MSI2: variants seen among roughly 807,000 people sequenced by gnomAD.
The protein encoded by MSI2 is musashi RNA binding protein 2, also known as RNA-binding protein Musashi homolog 2.
MSI2 carries 17 observed loss-of-function variants against 45.6 expected under a neutral mutation model. That is an observed-to-expected ratio of 0.37 (90% CI 0.26 to 0.56). MSI2 has a LOEUF of 0.56. Ranked by LOEUF, MSI2 falls within the 20% of genes least tolerant of loss-of-function variation. The pLI is 0.77. For synonymous variants in MSI2, 156 were observed against 158.2 expected, an observed-to-expected ratio of 0.99 and a Z score of 0.11; for missense variants, 293 against 444.2, an observed-to-expected ratio of 0.66 and a Z score of 3.06.
intron 7 of MSI2, among the ~76,000 whole-genome samples, chr17:57,549,796 C>T (rs992465044): frequency 3.3e-5 from 5 of 152,282 alleles, no homozygotes; most frequent in African/African-American, 1.2e-4. Flanking sequence ...AGGTGGGCTC[C>T]TGCATTTGTA....
chr17:57,661,384 G>A (rs1415414891), intron 11 of MSI2, among the ~76,000 whole-genome samples: 1 of 152,214 alleles, frequency 6.6e-6, no homozygotes, highest in African/African-American at 2.4e-5. Context: ...TGCTAGGCAG[G>A]GAATATGGGC....
chr17:57,491,315 A>G (rs1567855674), intron 6 of MSI2, among the ~76,000 whole-genome samples: 1 of 152,122 alleles, frequency 6.6e-6, no homozygotes, highest in Non-Finnish European at 1.5e-5. Context: ...GAGCGAAGGA[A>G]CTCTGAGATT....
chr17:57,625,012 A>G (rs1908667628), intron 9 of MSI2, among the ~76,000 whole-genome samples: 1 of 152,142 alleles, frequency 6.6e-6, no homozygotes, highest in Non-Finnish European at 1.5e-5. Flanking sequence ...CCGCTTCCTC[A>G]TAGATGGCCC....
intron 6 of MSI2, among the ~76,000 whole-genome samples, chr17:57,483,116 T>C (rs1271140249): frequency 6.6e-6 from 1 of 152,228 alleles, no homozygotes; most frequent in East Asian, 1.9e-4. Flanking sequence ...ATACTAATGA[T>C]AATAAGTATT....
chr17:57,422,750 T>A (rs1007003701), intron 6 of MSI2, among the ~76,000 whole-genome samples: 1 of 152,248 alleles, frequency 6.6e-6, no homozygotes, highest in Non-Finnish European at 1.5e-5. Context: ...ACAGCGTAAA[T>A]CACCATCATC....
At position 57,582,650 on chromosome 17, in the gene MSI2, A is replaced by T. The variant is rs80320311; in HGVS notation, c.455-14218A>T. Among the ~76,000 whole-genome samples the T allele has an allele frequency of 5.4e-3, 816 of 152,334 alleles. 7 individuals are homozygous for T. The highest frequency in any genetic ancestry group is 0.019 in the African/African-American group (781 of 41,574). ...GATTCACTGTGCTGGCTAAATCATG[A>T]TACTAATTTTTCAACCCCATCCTCC... On this transcript the variant is annotated intron_variant, in intron 7 of 13. Transcript: ENST00000284073.
At position 57,675,238 on chromosome 17, in the gene MSI2, G is replaced by A. The variant is rs1158860668; in HGVS notation, c.945+112G>A. 8.2e-6 allele frequency: 9 copies of A among 1,093,466 alleles called. No individual in the cohort carries two copies. In the Admixed American group the frequency reaches 1.6e-4, roughly 19 times the overall value. 67.7% of individuals were successfully genotyped at this position (1,093,466 alleles called of 1,614,324 possible). ...TCGGGGGCAGAGGAGAGGACAGAGG[G>A]TCCCCATCAACATCACACCAGCTCC... On this transcript the variant is annotated intron_variant, in intron 12 of 13. Coordinates refer to ENST00000284073, the MANE Select transcript of MSI2 (RefSeq NM_138962.4).
intron 5 of MSI2, among the ~76,000 whole-genome samples, chr17:57,350,230 G>A (rs1341925248): frequency 2.0e-5 from 3 of 150,794 alleles, no homozygotes; most frequent in Non-Finnish European, 4.4e-5. Context: ...GTAGGGGTGT[G>A]TGTGTGTGTG....
intron 10 of MSI2, among the ~76,000 whole-genome samples, chr17:57,650,503 T>C (rs1189402948): frequency 6.6e-6 from 1 of 152,146 alleles, no homozygotes; most frequent in Non-Finnish European, 1.5e-5. Context: ...GTCCCTCCCT[T>C]GGTCTCCCTC....
intron 7 of MSI2, among the ~76,000 whole-genome samples, chr17:57,578,688 C>G (rs1464915076): frequency 1.3e-5 from 2 of 152,072 alleles, no homozygotes. Context: ...TTGTGCTTTC[C>G]ATTCTCAGGG....
intron 5 of MSI2, among the ~76,000 whole-genome samples, chr17:57,339,599 T>C (rs1914961227): frequency 6.6e-6 from 1 of 152,198 alleles, no homozygotes; most frequent in Non-Finnish European, 1.5e-5. Flanking sequence ...TTCTAACTTC[T>C]CAGCCTTTCG....
intron 10 of MSI2, chr17:57,630,621 C>T (rs908941602): frequency 6.6e-6 from 1 of 152,240 alleles, no homozygotes; most frequent in Non-Finnish European, 1.5e-5. Flanking sequence ...CTCCTGACCC[C>T]CTCCCAAAGG....
intron 6 of MSI2, among the ~76,000 whole-genome samples, chr17:57,437,614 C>T (rs930702450): frequency 1.3e-5 from 2 of 152,164 alleles, no homozygotes; most frequent in African/African-American, 4.8e-5. Flanking sequence ...CCTTGGCTCT[C>T]TTTTCTTCCG....
At chr17:57,676,642 GGGACTGC>G (rs1396924392) in intron 12 of MSI2, among the ~76,000 whole-genome samples, 2 of 152,220 alleles carry the variant, frequency 1.3e-5, no homozygotes, top group African/African-American at 4.8e-5. Flanking sequence ...TAGAGCCGTT[GGGACTGC>G]GGACAGAGAC....
At chr17:57,574,988 G>T (rs527777145) in intron 7 of MSI2, among the ~76,000 whole-genome samples, 56 of 152,050 alleles carry the variant, frequency 3.7e-4, no homozygotes, top group African/African-American at 1.3e-3. Flanking sequence ...CCACCACCAC[G>T]CCCGGCTAAT....
chr17:57,597,347 C>A (rs1052701044), intron 8 of MSI2, among the ~76,000 whole-genome samples: 2 of 151,314 alleles, frequency 1.3e-5, no homozygotes, highest in South Asian at 4.2e-4. Context: ...ATGTAAAAAC[C>A]AGGCCAAGCA....
chr17:57,659,083 T>TTGGTTG (rs35492662), intron 11 of MSI2, among the ~76,000 whole-genome samples: 33 of 151,400 alleles, frequency 2.2e-4, no homozygotes, highest in South Asian at 1.0e-3. Context: ...TTGGTTGGTT[T>TTGGTTG]GTTGTTGTTG....
chr17:57,499,373 C>CT (rs1481768256), intron 6 of MSI2, among the ~76,000 whole-genome samples: 502 of 33,444 alleles, frequency 0.015, 5 homozygotes, highest in African/African-American at 0.077. Context: ...AAGATTCTGT[C>CT]TTAAAAAAAA....
At chr17:57,479,781 G>T (rs2085612287) in intron 6 of MSI2, among the ~76,000 whole-genome samples, 1 of 152,102 alleles carries the variant, frequency 6.6e-6, no homozygotes, top group Admixed American at 6.6e-5. Context: ...ACCTACTGTG[G>T]GCTAGACAGG....
Sources: gnomAD v4.1 joint callset for allele counts (sites outside exome capture counted in the v4.1 genomes callset) on GRCh38, gnomAD v4.1.1 for gene constraint, MANE v1.5 for transcripts, NCBI Gene and HGNC (gene_info 2026-07-23, HGNC 2026-07-21) for gene names.